SENP5: variants seen among roughly 807,000 people sequenced by gnomAD.
The protein encoded by SENP5 is SUMO specific peptidase 5.
In SENP5, 21 loss-of-function variants were observed where a neutral mutation model predicts 74.2. The observed-to-expected ratio is 0.28, with a 90% CI of 0.20 to 0.41. SENP5 has a LOEUF of 0.41. Ranked by LOEUF, SENP5 falls within the 10% of genes least tolerant of loss-of-function variation. The pLI, the probability that SENP5 is intolerant of heterozygous loss-of-function variation, is 1.00. For missense variants in SENP5, 717 were observed against 889.1 expected (o/e 0.81, Z 2.46); for synonymous variants, 311 against 312.7 (o/e 0.99, Z 0.06).
chr3:196,869,129 C>T (rs1242038292), intron 1 of SENP5, among the ~76,000 whole-genome samples: 7 of 149,182 alleles, frequency 4.7e-5, no homozygotes, highest in Admixed American at 2.7e-4. Context: ...CCCAGTGCAT[C>T]TTTTCTAGGA....
At chr3:196,884,043 A>AGTAT (rs1713840411) in intron 1 of SENP5, among the ~76,000 whole-genome samples, 1 of 152,210 alleles carries the variant, frequency 6.6e-6, no homozygotes, top group Non-Finnish European at 1.5e-5. Context: ...GAGACCAAAT[A>AGTAT]CCACTTAAGA....
chr3:196,910,403 G>A (rs1255728252), intron 6 of SENP5, among the ~76,000 whole-genome samples: 1 of 128,398 alleles, frequency 7.8e-6, no homozygotes. Flanking sequence ...CTGGAATGCA[G>A]TGGCATGATC....
intron 6 of SENP5, among the ~76,000 whole-genome samples, chr3:196,917,204 A>AAT (rs1715415824): frequency 6.6e-6 from 1 of 152,028 alleles, no homozygotes; most frequent in Non-Finnish European, 1.5e-5. Flanking sequence ...CAAACTAGAA[A>AAT]ATACATCAGA....
At chr3:196,876,824 G>T (rs1405557044) in intron 1 of SENP5, among the ~76,000 whole-genome samples, 2 of 151,958 alleles carry the variant, frequency 1.3e-5, no homozygotes, top group Non-Finnish European at 2.9e-5. Flanking sequence ...GGCGAGCTCT[G>T]ATTGCACCAG....
intron 7 of SENP5, among the ~76,000 whole-genome samples, chr3:196,926,237 A>G (rs1343223110): frequency 1.3e-5 from 2 of 152,142 alleles, no homozygotes; most frequent in African/African-American, 2.4e-5. Flanking sequence ...TGATCCCAGC[A>G]CTTTGGGAGG....
chr3:196,910,683 A>G (rs1043196521), intron 6 of SENP5, among the ~76,000 whole-genome samples: 24 of 152,084 alleles, frequency 1.6e-4, no homozygotes, highest in African/African-American at 5.6e-4. Flanking sequence ...TATTCCCATC[A>G]AACTACCATT....
At position 196,934,626 on chromosome 3, in the gene SENP5, TATTTAG is replaced by T. The variant is rs750535790; in HGVS notation, c.*3705_*3710del. Reference sequence around the variant, plus strand: ...GTACCTGTTGGTCAGAAAAAGAATTTATTTAGAGATTATGATCATGTAAAATTACAG... The same window carrying T: ...GTACCTGTTGGTCAGAAAAAGAATTTAGATTATGATCATGTAAAATTACAG... On this transcript the variant is annotated 3_prime_UTR_variant, in exon 10 of 10. Coordinates refer to ENST00000323460, the MANE Select transcript of SENP5 (RefSeq NM_152699.5). The T allele has an allele frequency of 2.0e-5, 3 of 152,224 alleles. No individual in the cohort carries two copies. Among genetic ancestry groups the T allele is most frequent in the Non-Finnish European group, 4.4e-5 (3 of 68,034 alleles). The allele number at this position is 152,224 out of a possible 1,614,324, so 9.4% of individuals were successfully genotyped here. A position where few individuals can be genotyped will look rare whatever the true frequency, so the allele number is the denominator to read the frequency against.
Position 196,931,688 on chromosome 3 carries a change from T to C in SENP5, c.*765T>C. ...GCTTTTGCTGGGATATTGAATTCCC[T>C]GAATTTTTCTGTTTTCGACCTGTTA... On this transcript the variant is annotated 3_prime_UTR_variant, in exon 10 of 10. Transcript: ENST00000323460. 3.6e-6 allele frequency: 1 copy of C among 276,952 alleles called. No individual in the cohort carries two copies. Among genetic ancestry groups the C allele is most frequent in the Non-Finnish European group, 7.1e-6 (1 of 140,468 alleles). 17.2% of individuals were successfully genotyped at this position (276,952 alleles called of 1,614,324 possible).
intron 2 of SENP5, among the ~76,000 whole-genome samples, chr3:196,896,870 A>G (rs989357923): frequency 2.0e-5 from 3 of 152,184 alleles, no homozygotes; most frequent in Non-Finnish European, 4.4e-5. Flanking sequence ...TTCTGGTCCC[A>G]GTGAGATAAT....
At chr3:196,919,768 G>A (rs1363295444) in intron 6 of SENP5, among the ~76,000 whole-genome samples, 2 of 151,438 alleles carry the variant, frequency 1.3e-5, no homozygotes, top group Non-Finnish European at 2.9e-5. Context: ...ACTGCAGCCT[G>A]GGCAACAAGA....
intron 6 of SENP5, chr3:196,912,861 T>A (rs1402383259): frequency 6.6e-6 from 1 of 152,064 alleles, no homozygotes; most frequent in Admixed American, 6.5e-5. Context: ...GTGACAGACC[T>A]TGCCTCTAAA....
intron 2 of SENP5, among the ~76,000 whole-genome samples, chr3:196,899,096 A>G (rs1469837913): frequency 1.4e-5 from 2 of 145,534 alleles, no homozygotes; most frequent in Non-Finnish European, 3.0e-5. Flanking sequence ...AAAAAAAAAA[A>G]GTGCCTCACT....
At chr3:196,905,602 A>G (rs1193388377) in intron 6 of SENP5, among the ~76,000 whole-genome samples, 1 of 152,158 alleles carries the variant, frequency 6.6e-6, no homozygotes, top group African/African-American at 2.4e-5. Flanking sequence ...AGGATATTAC[A>G]AAGGATTCAG....
intron 6 of SENP5, among the ~76,000 whole-genome samples, chr3:196,906,587 G>A (rs1328866055): frequency 6.6e-6 from 1 of 152,180 alleles, no homozygotes; most frequent in Non-Finnish European, 1.5e-5. Flanking sequence ...TATCAAAGAT[G>A]AATACAAGTT....
At chr3:196,920,857 A>G (rs1363414108) in intron 6 of SENP5, among the ~76,000 whole-genome samples, 1 of 152,186 alleles carries the variant, frequency 6.6e-6, no homozygotes, top group Non-Finnish European at 1.5e-5. Context: ...TCTGATCGTG[A>G]CATAACTTCA....
At chr3:196,893,782 C>T (rs919175866) in intron 2 of SENP5, among the ~76,000 whole-genome samples, 7 of 151,850 alleles carry the variant, frequency 4.6e-5, no homozygotes, top group African/African-American at 1.2e-4. Flanking sequence ...TGGTGGCATG[C>T]GCCTGTAGTC....
rs1402391461 is a variant in SENP5 at position 196,867,989 on chromosome 3, G to C, written c.-116G>C. ...CTCGTCGCTGGCGGGGCTTCCCTTG[G>C]AGCTGACGAAGGCGGGGTCCGCGGT... On this transcript the variant is annotated 5_prime_UTR_variant, in exon 1 of 10. Coordinates refer to ENST00000323460, the MANE Select transcript of SENP5 (RefSeq NM_152699.5). The C allele has an allele frequency of 6.6e-6, 1 of 152,156 alleles. No homozygotes were observed. Among genetic ancestry groups the C allele is most frequent in the Non-Finnish European group, 1.5e-5 (1 of 68,026 alleles). The allele number at this position is 152,156 out of a possible 1,614,324, so 9.4% of individuals were successfully genotyped here.
chr3:196,906,321 C>T (rs917426320), intron 6 of SENP5, among the ~76,000 whole-genome samples: 3 of 152,064 alleles, frequency 2.0e-5, no homozygotes, highest in Non-Finnish European at 2.9e-5. Context: ...TATCATAGTG[C>T]CAGACATTAT....
chr3:196,870,754 G>A (rs1430782938), intron 1 of SENP5, among the ~76,000 whole-genome samples: 2 of 151,978 alleles, frequency 1.3e-5, no homozygotes, highest in African/African-American at 4.8e-5. Flanking sequence ...CTGACCTCAA[G>A]TGATCTCTCC....
Sources: allele counts gnomAD v4.1 joint callset (sites outside exome capture counted in the v4.1 genomes callset), GRCh38; gene constraint gnomAD v4.1.1; transcripts MANE v1.5; gene names NCBI Gene and HGNC (gene_info 2026-07-23, HGNC 2026-07-21).